ULK4: variants seen among roughly 807,000 people sequenced by gnomAD.
ULK4 encodes the protein unc-51 like kinase 4.
A neutral mutation model predicts 160.6 loss-of-function variants in ULK4; 133 were observed. The observed-to-expected ratio is 0.83, with a 90% CI of 0.72 to 0.96. ULK4 has a LOEUF of 0.96. Ranked by LOEUF, ULK4 falls within the 40% of genes least tolerant of loss-of-function variation. The pLI is 0.00. For missense variants in ULK4, 1,580 were observed against 1,499.5 expected (o/e 1.05, Z -0.89); for synonymous variants, 534 against 539.8 (o/e 0.99, Z 0.15).
intron 21 of ULK4, among the ~76,000 whole-genome samples, chr3:41,772,790 T>C (rs1429879711): frequency 1.3e-5 from 2 of 152,200 alleles, no homozygotes; most frequent in East Asian, 1.9e-4. Context: ...TAGACCAATA[T>C]CCCTGATGAA....
At chr3:41,331,174 T>G (rs1395746810) in intron 35 of ULK4, among the ~76,000 whole-genome samples, 1 of 152,090 alleles carries the variant, frequency 6.6e-6, no homozygotes, top group Non-Finnish European at 1.5e-5. Context: ...TCATTAGGGT[T>G]CAAGATCTAG....
At position 41,455,606 on chromosome 3, in the gene ULK4, G is replaced by A. The variant is rs749108957; in HGVS notation, c.3394-11C>T. ...GCCAGACTTCTGGGCCTGGAACAGAGAGAAGAGAAATGAAAGACGGTCTTG... is the reference window on the plus strand; with the variant it reads ...GCCAGACTTCTGGGCCTGGAACAGAAAGAAGAGAAATGAAAGACGGTCTTG... On this transcript the variant is annotated splice_polypyrimidine_tract_variant and intron_variant, in intron 33 of 36. Coordinates refer to ENST00000301831, the MANE Select transcript of ULK4 (RefSeq NM_017886.4). 2 of 1,613,226 alleles carry A rather than the reference G, an allele frequency of 1.2e-6. No homozygotes were observed. Among genetic ancestry groups the A allele is most frequent in the Non-Finnish European group, 1.7e-6 (2 of 1,179,676 alleles).
chr3:41,406,056 G>A (rs1272073991), intron 34 of ULK4, among the ~76,000 whole-genome samples: 1 of 152,166 alleles, frequency 6.6e-6, no homozygotes, highest in African/African-American at 2.4e-5. Flanking sequence ...CCTATGTCCA[G>A]AGGGGTGTTT....
intron 22 of ULK4, among the ~76,000 whole-genome samples, chr3:41,731,268 T>C (rs558623572): frequency 3.3e-4 from 50 of 152,120 alleles, no homozygotes; most frequent in Admixed American, 7.8e-4. Flanking sequence ...CTTGAAGCTA[T>C]AGAAAATCCT....
At chr3:41,889,625 C>G (rs1395093251) in intron 16 of ULK4, among the ~76,000 whole-genome samples, 1 of 152,146 alleles carries the variant, frequency 6.6e-6, no homozygotes, top group African/African-American at 2.4e-5. Flanking sequence ...ATAATCTGTA[C>G]AAGAAACCCC....
At chr3:41,301,585 C>A (rs1309425449) in intron 35 of ULK4, among the ~76,000 whole-genome samples, 1 of 152,100 alleles carries the variant, frequency 6.6e-6, no homozygotes, top group Admixed American at 6.5e-5. Flanking sequence ...GGCTTTCTGG[C>A]GTGCTACGTT....
In ULK4 at chr3:41,900,466, T is replaced by C. The variant is rs186251674; in HGVS notation, c.1287+259A>G. Among the ~76,000 whole-genome samples, 47 of 152,112 alleles carry C rather than the reference T, an allele frequency of 3.1e-4. 1 individual carries two copies. The East Asian group carries it at 4.2e-3, about 14-fold the overall frequency. ...CCTCCATGGCATGTGGAAGAAGCAG[T>C]AGTGAGAGGCAGCAGAGCTGACTCA... On this transcript the variant is annotated intron_variant, in intron 13 of 36. Transcript: ENST00000301831.
chr3:41,857,416 G>A (rs1333202834), intron 17 of ULK4, among the ~76,000 whole-genome samples: 3 of 152,096 alleles, frequency 2.0e-5, no homozygotes, highest in Non-Finnish European at 4.4e-5. Context: ...TTTTTGATAT[G>A]TCTTTGTCAG....
At chr3:41,510,721 T>C (rs1246454238) in intron 32 of ULK4, among the ~76,000 whole-genome samples, 1 of 152,140 alleles carries the variant, frequency 6.6e-6, no homozygotes, top group African/African-American at 2.4e-5. Flanking sequence ...AATAATCTGC[T>C]CCTGAATGAT....
At chr3:41,906,876 C>G (rs1360431535) in intron 12 of ULK4, among the ~76,000 whole-genome samples, 1 of 151,952 alleles carries the variant, frequency 6.6e-6, no homozygotes, top group African/African-American at 2.4e-5. Flanking sequence ...GACTGTAGTC[C>G]CAGCGACTTG....
chr3:41,753,293 G>C (rs947814301), intron 22 of ULK4, among the ~76,000 whole-genome samples: 4 of 151,926 alleles, frequency 2.6e-5, no homozygotes, highest in African/African-American at 9.7e-5. Context: ...TTTGCCTCTT[G>C]ATCTACAAAG....
At chr3:41,745,475 C>A (rs1008925203) in intron 22 of ULK4, among the ~76,000 whole-genome samples, 1 of 151,626 alleles carries the variant, frequency 6.6e-6, no homozygotes, top group African/African-American at 2.4e-5. Context: ...ATATGCATGG[C>A]CTTGCAACTT....
intron 21 of ULK4, among the ~76,000 whole-genome samples, chr3:41,771,310 T>C (rs540138020): frequency 6.6e-6 from 1 of 152,332 alleles, no homozygotes; most frequent in South Asian, 2.1e-4. Flanking sequence ...CAGTGTATTC[T>C]GGAACTTTCT....
At chr3:41,417,856 T>G (rs1327812420) in intron 34 of ULK4, among the ~76,000 whole-genome samples, 2 of 152,134 alleles carry the variant, frequency 1.3e-5, no homozygotes, top group Non-Finnish European at 2.9e-5. Context: ...TACTAACTAC[T>G]CTGGTATACT....
chr3:41,261,780 G>A (rs1232609604), intron 35 of ULK4, among the ~76,000 whole-genome samples: 1 of 152,212 alleles, frequency 6.6e-6, no homozygotes, highest in Admixed American at 6.5e-5. Flanking sequence ...GTACTGTCCA[G>A]TAAGCTGTTC....
At chr3:41,398,789 A>G (rs1316222398) in intron 34 of ULK4, among the ~76,000 whole-genome samples, 1 of 152,034 alleles carries the variant, frequency 6.6e-6, no homozygotes. Context: ...TTCTTTTTAA[A>G]AAGTTTTTTT....
At chr3:41,462,905 T>C (rs1464375307) in intron 33 of ULK4, among the ~76,000 whole-genome samples, 182 bp downstream of exon 33, 1 of 152,190 alleles carries the variant, frequency 6.6e-6, no homozygotes, top group East Asian at 1.9e-4. Flanking sequence ...AAGATTTTGA[T>C]CAAATTCTCT....
intron 27 of ULK4, among the ~76,000 whole-genome samples, chr3:41,703,917 A>G (rs1429862655): frequency 6.6e-6 from 1 of 152,058 alleles, no homozygotes; most frequent in Non-Finnish European, 1.5e-5. Context: ...GGGTAGAGAA[A>G]TATGTGAGGA....
intron 35 of ULK4, among the ~76,000 whole-genome samples, chr3:41,291,417 GGA>G (rs2079560572): frequency 6.8e-6 from 1 of 148,028 alleles, no homozygotes; most frequent in African/African-American, 2.5e-5. Context: ...AACGAAAGAA[GGA>G]AGGAGAGAGA....
Sources: gnomAD v4.1 joint callset for allele counts (sites outside exome capture counted in the v4.1 genomes callset) on GRCh38, gnomAD v4.1.1 for gene constraint, MANE v1.5 for transcripts, NCBI Gene and HGNC (gene_info 2026-07-23, HGNC 2026-07-21) for gene names.